FAAH2: variants seen among roughly 807,000 people sequenced by gnomAD.
FAAH2 encodes the protein fatty acid amide hydrolase 2.
Under a neutral mutation model 36.9 loss-of-function variants are expected in FAAH2, and 60 were observed. The observed-to-expected ratio is 1.63, with a 90% CI of 1.32 to 2.02. The LOEUF (loss-of-function observed/expected upper bound fraction) is 2.02, where lower values mean the gene tolerates loss of function less well. FAAH2 is among the 30% of genes most tolerant of loss of function. FAAH2 has a pLI of 0.00. For synonymous variants in FAAH2, 214 were observed against 143.8 expected, an observed-to-expected ratio of 1.49 and a Z score of -3.49; for missense variants, 689 against 397.5, an observed-to-expected ratio of 1.73 and a Z score of -6.23.
At chrX:57,467,456 C>T (rs2057072047) in intron 10 of FAAH2, among the ~76,000 whole-genome samples, 1 of 111,994 alleles carries the variant, frequency 8.9e-6, no homozygotes, top group South Asian at 3.7e-4. Context: ...AGATTATATC[C>T]TGCACCTGGC....
chrX:57,339,504 AATCT>A (rs1173603865), intron 4 of FAAH2, among the ~76,000 whole-genome samples: 1 of 112,159 alleles, frequency 8.9e-6, no homozygotes, highest in African/African-American at 3.2e-5. Flanking sequence ...TAATTTTTGC[AATCT>A]ATCCATCTGA....
At chrX:57,448,784 G>C in intron 10 of FAAH2, 66 bp downstream of exon 10, 1 of 1,078,377 alleles carries the variant, frequency 9.3e-7, no homozygotes, top group South Asian at 2.0e-5. Flanking sequence ...TCCAAGGAAA[G>C]CATAATTTTC....
intron 3 of FAAH2, among the ~76,000 whole-genome samples, chrX:57,330,883 T>C (rs1042485727): frequency 9.0e-6 from 1 of 110,571 alleles, no homozygotes; most frequent in Admixed American, 9.6e-5. Context: ...TCAGGTGCTA[T>C]CCACCTGACA....
At chrX:57,406,775 G>T (rs759935449) in intron 7 of FAAH2, among the ~76,000 whole-genome samples, 14 of 112,563 alleles carry the variant, frequency 1.2e-4, no homozygotes, top group Admixed American at 1.1e-3. Context: ...ACCACTCTGT[G>T]TAGAGAGAGG....
intron 10 of FAAH2, among the ~76,000 whole-genome samples, chrX:57,474,367 G>A (rs751101241): frequency 3.6e-4 from 39 of 108,720 alleles, no homozygotes; most frequent in East Asian, 8.8e-4. Context: ...CTTGTCCCCC[G>A]CCCCCAACAG....
chrX:57,406,523 C>T (rs2055571409), intron 7 of FAAH2, among the ~76,000 whole-genome samples: 1 of 112,177 alleles, frequency 8.9e-6, no homozygotes. Flanking sequence ...GAGGGGGCTG[C>T]ACCAGCAACT....
At chrX:57,429,234 G>C (rs769481870) in intron 7 of FAAH2, among the ~76,000 whole-genome samples, 1 of 108,719 alleles carries the variant, frequency 9.2e-6, no homozygotes, top group Admixed American at 9.8e-5. Flanking sequence ...AGCTACTTGG[G>C]AGGCTGAGGC....
At chrX:57,406,166 T>C (rs1009807615) in intron 7 of FAAH2, among the ~76,000 whole-genome samples, 2 of 111,938 alleles carry the variant, frequency 1.8e-5, no homozygotes, top group Admixed American at 9.5e-5. Flanking sequence ...TGCCTCCATA[T>C]CTGGGTGCTT....
rs868498253 is a variant in FAAH2 at position 57,488,765 on chromosome X, A to T, written c.1432A>T (p.Ser478Cys). ...PFNFAYTGVF[S>C]ALGLPVTQCP... ...TTGTTTGTTTTCTTCAGGTGTCTTC[A>T]GTGCCCTGGGTTTGCCTGTGACCCA... Residue 478 changes from serine to cysteine, a missense_variant, in exon 11 of 11, where the codon AGT (serine) becomes TGT (cysteine). Transcript: ENST00000374900. 1 of 1,208,670 alleles carries T rather than the reference A, an allele frequency of 8.3e-7. No homozygotes were observed. Among genetic ancestry groups the T allele is most frequent in the Non-Finnish European group, 1.1e-6 (1 of 894,829 alleles).
the FAAH2 span, among the ~76,000 whole-genome samples, chrX:57,182,499 C>T: frequency 9.0e-5 from 10 of 111,184 alleles, no homozygotes; most frequent in Non-Finnish European, 5.7e-5. Context: ...AACTCGAAAC[C>T]ACAATAAGAT....
chrX:57,318,364 A>G (rs768908048), intron 3 of FAAH2, among the ~76,000 whole-genome samples: 92 of 112,299 alleles, frequency 8.2e-4, no homozygotes, highest in African/African-American at 2.8e-3. Flanking sequence ...AATACAAACT[A>G]CCATCAGAGA....
intron 7 of FAAH2, among the ~76,000 whole-genome samples, chrX:57,430,926 G>A (rs1355705994): frequency 8.9e-6 from 1 of 111,883 alleles, no homozygotes; most frequent in Non-Finnish European, 1.9e-5. Flanking sequence ...AATGATAAAT[G>A]TCGCTAAGAA....
Position 57,376,128 on chromosome X carries a change from C to T in FAAH2, c.743-2523C>T, listed in dbSNP as rs762526461. 9.0e-5 allele frequency among the ~76,000 whole-genome samples: 10 copies of T among 111,472 alleles called. No individual in the cohort carries two copies. The South Asian group carries it at 3.0e-3, about 34-fold the overall frequency. ...ACTATAACTGTAGTATAACTACAGG[C>T]TGTACTATATCTATACAATCTGTAA... On this transcript the variant is annotated intron_variant, in intron 5 of 10. Coordinates refer to ENST00000374900, the MANE Select transcript of FAAH2 (RefSeq NM_174912.4).
the FAAH2 span, among the ~76,000 whole-genome samples, chrX:57,206,201 A>G: frequency 8.9e-6 from 1 of 112,284 alleles, no homozygotes; most frequent in African/African-American, 3.2e-5. Flanking sequence ...CTCTAAGGAT[A>G]GAAAATAGAT....
intron 8 of FAAH2, among the ~76,000 whole-genome samples, chrX:57,433,924 C>T (rs1028836599): frequency 1.8e-5 from 2 of 111,205 alleles, no homozygotes; most frequent in Non-Finnish European, 3.8e-5. Context: ...CAGAAATCAA[C>T]GTATAGATGC....
chrX:57,329,891 A>T (rs1176889334), intron 3 of FAAH2, among the ~76,000 whole-genome samples: 2 of 111,963 alleles, frequency 1.8e-5, no homozygotes, highest in Non-Finnish European at 3.8e-5. Flanking sequence ...CTAAAGATAA[A>T]TTGTGAAGAT....
intron 7 of FAAH2, among the ~76,000 whole-genome samples, chrX:57,410,716 A>G (rs2055676788): frequency 9.0e-6 from 1 of 111,339 alleles, no homozygotes; most frequent in South Asian, 3.7e-4. Flanking sequence ...TGCATGGAAT[A>G]TATTTTTCTA....
At chrX:57,296,034 C>T (rs921303450) in intron 2 of FAAH2, among the ~76,000 whole-genome samples, 17 of 112,557 alleles carry the variant, frequency 1.5e-4, no homozygotes, top group African/African-American at 5.2e-4. Context: ...GGGCAGGACA[C>T]AGACAAACAA....
intron 7 of FAAH2, among the ~76,000 whole-genome samples, chrX:57,391,706 A>G (rs998694623): frequency 9.0e-6 from 1 of 111,123 alleles, no homozygotes; most frequent in Non-Finnish European, 1.9e-5. Flanking sequence ...TACCATTACC[A>G]TACAGTCTTT....
Sources: allele counts gnomAD v4.1 joint callset (sites outside exome capture counted in the v4.1 genomes callset), GRCh38; gene constraint gnomAD v4.1.1; transcripts MANE v1.5; gene names NCBI Gene and HGNC (gene_info 2026-07-23, HGNC 2026-07-21).